The following CPNE4 variants were observed in gnomAD, a reference collection of about 807,000 sequenced individuals.
CPNE4 encodes the protein copine-4.
A neutral mutation model predicts 67.9 loss-of-function variants in CPNE4; 25 were observed. The observed-to-expected ratio is 0.37, with a 90% CI of 0.27 to 0.51. The LOEUF is 0.51. CPNE4 is among the 20% of genes least tolerant of loss of function. CPNE4 has a pLI of 0.93. For synonymous variants in CPNE4, 242 were observed against 244.9 expected (o/e 0.99, Z 0.11); for missense variants, 464 against 690.8 (o/e 0.67, Z 3.68).
At chr3:131,568,956 A>G (rs1257522125) in intron 10 of CPNE4, among the ~76,000 whole-genome samples, 1 of 152,034 alleles carries the variant, frequency 6.6e-6, no homozygotes, top group African/African-American at 2.4e-5. Context: ...CTTTTTAAAT[A>G]GCTGTGTACA....
At chr3:131,997,839 G>A (rs985317897) in intron 1 of CPNE4, among the ~76,000 whole-genome samples, 1 of 152,138 alleles carries the variant, frequency 6.6e-6, no homozygotes, top group Non-Finnish European at 1.5e-5. Flanking sequence ...GATCTTGCAA[G>A]CAGCAGAGAA....
At chr3:132,003,722 A>G (rs546070647) in intron 1 of CPNE4, among the ~76,000 whole-genome samples, 1 of 152,214 alleles carries the variant, frequency 6.6e-6, no homozygotes, top group South Asian at 2.1e-4. Context: ...CCTGAAGCAA[A>G]TGATTAAATT....
intron 7 of CPNE4, among the ~76,000 whole-genome samples, chr3:131,635,714 A>G (rs58737291): frequency 0.29 from 43,301 of 151,462 alleles, 9,431 homozygotes; most frequent in African/African-American, 0.62. Flanking sequence ...CAGACCAAAC[A>G]GGGGAGAGGG....
intron 2 of CPNE4, among the ~76,000 whole-genome samples, chr3:131,736,811 T>C (rs921247620): frequency 6.6e-6 from 1 of 152,068 alleles, no homozygotes; most frequent in African/African-American, 2.4e-5. Context: ...TTTTCTACTC[T>C]AGAAGATTCA....
intron 7 of CPNE4, among the ~76,000 whole-genome samples, chr3:131,667,114 T>G (rs1484867470): frequency 6.6e-6 from 1 of 152,208 alleles, no homozygotes; most frequent in Non-Finnish European, 1.5e-5. Context: ...GAACACAGTG[T>G]GACTTTCATT....
At chr3:131,712,454 TC>T (rs1422133024) in intron 3 of CPNE4, among the ~76,000 whole-genome samples, 1 of 152,208 alleles carries the variant, frequency 6.6e-6, no homozygotes, top group African/African-American at 2.4e-5. Flanking sequence ...CATTTGATAT[TC>T]AGAAACATTC....
chr3:131,861,921 T>C (rs529357200), intron 2 of CPNE4, among the ~76,000 whole-genome samples: 1 of 152,262 alleles, frequency 6.6e-6, no homozygotes, highest in East Asian at 1.9e-4. Context: ...TTTCCTAGAA[T>C]AGTAAAAGAG....
chr3:131,736,597 G>T (rs1172237762), intron 2 of CPNE4, among the ~76,000 whole-genome samples: 1 of 125,686 alleles, frequency 8.0e-6, no homozygotes, highest in African/African-American at 2.9e-5. Flanking sequence ...ACTGGCTACA[G>T]AGCAAGACTG....
chr3:131,577,138 G>T (rs921057388), intron 9 of CPNE4, among the ~76,000 whole-genome samples: 3 of 151,994 alleles, frequency 2.0e-5, no homozygotes, highest in Admixed American at 2.0e-4. Flanking sequence ...CCAGCAATTG[G>T]TGTAAAGGGT....
At chr3:131,863,166 T>A (rs540690386) in intron 2 of CPNE4, among the ~76,000 whole-genome samples, 1 of 152,292 alleles carries the variant, frequency 6.6e-6, no homozygotes, top group African/African-American at 2.4e-5. Context: ...CAACAATAAA[T>A]ATACGTGTGC....
At chr3:131,629,751 G>A (rs895817722) in intron 7 of CPNE4, among the ~76,000 whole-genome samples, 4 of 152,068 alleles carry the variant, frequency 2.6e-5, no homozygotes, top group Non-Finnish European at 5.9e-5. Flanking sequence ...GGTCAATAGT[G>A]TAAATATAAC....
intron 7 of CPNE4, among the ~76,000 whole-genome samples, chr3:131,599,418 T>A (rs1360347783): frequency 6.6e-6 from 1 of 152,186 alleles, no homozygotes; most frequent in Non-Finnish European, 1.5e-5. Flanking sequence ...GCTGCTAGGA[T>A]GGGAGTTAAA....
intron 2 of CPNE4, among the ~76,000 whole-genome samples, chr3:131,794,531 C>G (rs1323072804): frequency 6.6e-6 from 1 of 152,234 alleles, no homozygotes; most frequent in Non-Finnish European, 1.5e-5. Context: ...GCGTGAGCCA[C>G]CACACCCAGC....
chr3:131,879,659 C>A (rs913552691), intron 2 of CPNE4, among the ~76,000 whole-genome samples: 2 of 152,084 alleles, frequency 1.3e-5, no homozygotes, highest in Admixed American at 1.3e-4. Context: ...CTCAAAAGGT[C>A]TTTTAAAAAT....
intron 1 of CPNE4, among the ~76,000 whole-genome samples, chr3:131,953,809 T>C (rs1266630361): frequency 1.3e-5 from 2 of 152,186 alleles, no homozygotes; most frequent in Non-Finnish European, 2.9e-5. Flanking sequence ...TTAGAAGTAA[T>C]AAGTTCTTAC....
At chr3:131,994,995 G>A (rs1004986896) in intron 1 of CPNE4, among the ~76,000 whole-genome samples, 1 of 152,050 alleles carries the variant, frequency 6.6e-6, no homozygotes, top group Non-Finnish European at 1.5e-5. Flanking sequence ...CTACCTCTAG[G>A]AGGTAACATA....
intron 7 of CPNE4, among the ~76,000 whole-genome samples, chr3:131,624,509 A>AT (rs145857200): frequency 4.3e-4 from 63 of 148,200 alleles, no homozygotes; most frequent in South Asian, 2.6e-3. Context: ...CAATTTAACC[A>AT]TTTTTTTTTT....
chr3:131,852,163 A>G (rs1235797498), intron 2 of CPNE4, among the ~76,000 whole-genome samples: 1 of 152,092 alleles, frequency 6.6e-6, no homozygotes, highest in Non-Finnish European at 1.5e-5. Flanking sequence ...CAGAGTATTA[A>G]GGGTATGATA....
intron 1 of CPNE4, among the ~76,000 whole-genome samples, chr3:131,939,500 T>C (rs2071326657): frequency 6.7e-6 from 1 of 148,208 alleles, no homozygotes; most frequent in African/African-American, 2.5e-5. Flanking sequence ...TCCGGGAAGT[T>C]GGAAGAGCTG....
Sources: gnomAD v4.1 joint callset for allele counts (sites outside exome capture counted in the v4.1 genomes callset) on GRCh38, gnomAD v4.1.1 for gene constraint, MANE v1.5 for transcripts, NCBI Gene and HGNC (gene_info 2026-07-23, HGNC 2026-07-21) for gene names.